ZFHX3: variants seen among roughly 807,000 people sequenced by gnomAD.
The protein encoded by ZFHX3 is zinc finger homeobox protein 3.
A neutral mutation model predicts 279.1 loss-of-function variants in ZFHX3; 42 were observed. That is an observed-to-expected ratio of 0.15 (90% CI 0.12 to 0.19). The LOEUF (loss-of-function observed/expected upper bound fraction) is 0.19. ZFHX3 is among the 10% of genes least tolerant of loss of function. The probability of loss-of-function intolerance (pLI) is 1.00; values close to 1 mark genes in which losing one functional copy is unlikely to be tolerated. For synonymous variants in ZFHX3, 2,293 were observed against 1,957.8 expected (o/e 1.17, Z -4.52); for missense variants, 4,981 against 4,754.0 (o/e 1.05, Z -1.40).
intron 4 of ZFHX3, among the ~76,000 whole-genome samples, chr16:73,288,542 C>G (rs1254761623): frequency 6.6e-6 from 1 of 152,198 alleles, no homozygotes; most frequent in African/African-American, 2.4e-5. Flanking sequence ...CGTCTAGGCT[C>G]TGTGACTTGG....
At chr16:72,993,896 C>T (rs1028174490) in intron 1 of ZFHX3, among the ~76,000 whole-genome samples, 4 of 152,172 alleles carry the variant, frequency 2.6e-5, no homozygotes, top group Admixed American at 6.5e-5. Context: ...GCTGTAGAGA[C>T]TCTCTGGGTT....
At chr16:73,511,031 T>C (rs182572947) in intron 2 of ZFHX3, among the ~76,000 whole-genome samples, 1 of 152,240 alleles carries the variant, frequency 6.6e-6, no homozygotes, top group Non-Finnish European at 1.5e-5. Context: ...TCTGGCTTTG[T>C]GCCTTGTGCT....
At position 72,959,654 on chromosome 16, in the gene ZFHX3, C is replaced by CCCACTG. The variant is rs745713072; in HGVS notation, c.486_491dup (p.Ser163_Gly164dup). 4.9e-5 allele frequency: 79 copies of CCCACTG among 1,613,798 alleles called. No individual in the cohort carries two copies. The highest frequency in any genetic ancestry group is 6.3e-5 in the Non-Finnish European group (74 of 1,180,012). ...AGTTCAGGAAAAGCGAGGGGAGAGG[C>CCCACTG]CCACTGCCACTGCCACTCCCACAGG... On this transcript the variant is annotated inframe_insertion, in exon 2 of 10. Transcript: ENST00000268489.
At chr16:72,997,374 G>T (rs1044302506) in intron 1 of ZFHX3, among the ~76,000 whole-genome samples, 2 of 152,166 alleles carry the variant, frequency 1.3e-5, no homozygotes, top group African/African-American at 4.8e-5. Flanking sequence ...TTGAGCAATA[G>T]AGTTCTTTAC....
At chr16:73,169,345 T>C (rs1967466028) in intron 5 of ZFHX3, among the ~76,000 whole-genome samples, 1 of 152,222 alleles carries the variant, frequency 6.6e-6, no homozygotes, top group South Asian at 2.1e-4. Flanking sequence ...GTTGGTATTA[T>C]GAATCTCTTG....
intron 3 of ZFHX3, among the ~76,000 whole-genome samples, chr16:73,327,881 G>A (rs144683803): frequency 1.3e-5 from 2 of 152,254 alleles, no homozygotes; most frequent in African/African-American, 2.4e-5. Flanking sequence ...TTGCTGGCCT[G>A]GAATGCCTCA....
chr16:73,002,080 G>T (rs948522055), intron 1 of ZFHX3, among the ~76,000 whole-genome samples: 6 of 152,146 alleles, frequency 3.9e-5, no homozygotes, highest in Non-Finnish European at 8.8e-5. Context: ...TTTTAGGGTT[G>T]AAGAAAGAGT....
chr16:73,771,771 T>C (rs2054020462), intron 1 of ZFHX3, among the ~76,000 whole-genome samples: 1 of 150,604 alleles, frequency 6.6e-6, no homozygotes, highest in Non-Finnish European at 1.5e-5. Flanking sequence ...TTTTTTTTTT[T>C]TTTTACTAAT....
At chr16:73,090,910 T>TAAAAAA (rs1966068950) in intron 8 of ZFHX3, among the ~76,000 whole-genome samples, 1 of 28,380 alleles carries the variant, frequency 3.5e-5, no homozygotes, top group South Asian at 1.4e-3. Flanking sequence ...GATCCCATAT[T>TAAAAAA]GAAAAAAAAA....
At chr16:73,815,055 A>G (rs925526015) in intron 1 of ZFHX3, among the ~76,000 whole-genome samples, 3 of 152,244 alleles carry the variant, frequency 2.0e-5, no homozygotes, top group Admixed American at 2.0e-4. Flanking sequence ...GGGAAATGCT[A>G]GATAATGTGT....
At chr16:73,727,031 T>C (rs1409588235) in intron 1 of ZFHX3, among the ~76,000 whole-genome samples, 1 of 152,164 alleles carries the variant, frequency 6.6e-6, no homozygotes, top group Non-Finnish European at 1.5e-5. Flanking sequence ...GGTAGGATCC[T>C]AGTTCTCACA....
chr16:73,202,920 T>C (rs1192812339), intron 5 of ZFHX3, among the ~76,000 whole-genome samples: 1 of 142,740 alleles, frequency 7.0e-6, no homozygotes, highest in African/African-American at 2.9e-5. Flanking sequence ...TTTTTTTTTT[T>C]TTTTTTTGCC....
At chr16:73,075,294 A>C (rs1023014351) in intron 8 of ZFHX3, among the ~76,000 whole-genome samples, 4 of 151,616 alleles carry the variant, frequency 2.6e-5, no homozygotes, top group African/African-American at 9.7e-5. Flanking sequence ...AGCCTGAGCA[A>C]CAACAAGAGA....
intron 2 of ZFHX3, among the ~76,000 whole-genome samples, chr16:73,627,117 T>G (rs955796971): frequency 7.9e-5 from 12 of 152,168 alleles, no homozygotes; most frequent in Non-Finnish European, 1.6e-4. Flanking sequence ...CCTATTATCT[T>G]CCAAGTTAGA....
At chr16:72,831,605 T>C (rs183878070) in intron 4 of ZFHX3, among the ~76,000 whole-genome samples, 20 of 152,234 alleles carry the variant, frequency 1.3e-4, no homozygotes, top group African/African-American at 4.3e-4. Flanking sequence ...TAATAACAAA[T>C]TACACAGCGT....
At chr16:73,441,816 A>G (rs74028652) in intron 3 of ZFHX3, among the ~76,000 whole-genome samples, 14,008 of 152,148 alleles carry the variant, frequency 0.092, 2,123 homozygotes, top group African/African-American at 0.32. Context: ...CATTGACTTG[A>G]AATGTGGGGA....
intron 3 of ZFHX3, among the ~76,000 whole-genome samples, chr16:72,929,233 C>A (rs1243641115): frequency 6.7e-6 from 1 of 150,194 alleles, no homozygotes; most frequent in African/African-American, 2.5e-5. Context: ...GCCGCCAGAC[C>A]CTGTCTAAAA....
At chr16:73,168,328 C>T (rs1480511046) in intron 5 of ZFHX3, among the ~76,000 whole-genome samples, 1 of 150,676 alleles carries the variant, frequency 6.6e-6, no homozygotes, top group Admixed American at 6.7e-5. Context: ...GTGGTGTGAT[C>T]ATAGTTCACT....
At chr16:73,774,901 G>A (rs541313013) in intron 1 of ZFHX3, among the ~76,000 whole-genome samples, 27 of 152,120 alleles carry the variant, frequency 1.8e-4, no homozygotes, top group Non-Finnish European at 3.2e-4. Context: ...CTGGAAGTAT[G>A]TCCTGAACAC....
Sources: allele counts gnomAD v4.1 joint callset (sites outside exome capture counted in the v4.1 genomes callset), GRCh38; gene constraint gnomAD v4.1.1; transcripts MANE v1.5; gene names NCBI Gene and HGNC (gene_info 2026-07-23, HGNC 2026-07-21).